Variants in SMIM27 observed in about 807,000 individuals in gnomAD.
SMIM27 encodes the protein transition zone microprotein 1, also known as TOPORS antisense RNA 1 (non-protein coding).
In SMIM27, 3 loss-of-function variants were observed where a neutral mutation model predicts 1.8. The ratio of observed to expected loss-of-function variants is 1.65; its 90% CI spans 0.75 to 4.28. The LOEUF (loss-of-function observed/expected upper bound fraction) is 4.28. Among genes scored for constraint, SMIM27 ranks in the 30% most tolerant of loss-of-function variants. The probability of loss-of-function intolerance (pLI) is 0.02; values close to 1 mark genes in which losing one functional copy is unlikely to be tolerated. For synonymous variants in SMIM27, 19 were observed against 13.9 expected (o/e 1.37, Z -0.82); for missense variants, 63 against 37.0 (o/e 1.70, Z -1.83).
chr9:32,554,783 C>G (rs1821409672), downstream of SMIM27, among the ~76,000 whole-genome samples: 1 of 152,190 alleles, frequency 6.6e-6, no homozygotes, highest in Non-Finnish European at 1.5e-5. Context: ...TAATAAAAAT[C>G]AAGCTATAGG....
chr9:32,566,040 AAGGTTTTTTCC>A (rs1234469947), intron 1 of SMIM27: 1 of 356,412 alleles, frequency 2.8e-6, no homozygotes, highest in Non-Finnish European at 5.1e-6. Flanking sequence ...AATATTTTTT[AAGGTTTTTTCC>A]AGGAGCTACT....
rs923317702 is a variant in SMIM27, at chr9:32,552,518, C to T, written c.45+39C>T. Reference sequence around the variant, plus strand: ...ATCGCGGGCCCCCACCGTGTCGACTCACTGGGCCCGCAGGCGGAAAGGCCC... The same window carrying T: ...ATCGCGGGCCCCCACCGTGTCGACTTACTGGGCCCGCAGGCGGAAAGGCCC... On this transcript the variant is annotated intron_variant, in intron 1 of 1. Coordinates refer to ENST00000692500, the MANE Select transcript of SMIM27 (RefSeq NM_001387564.1). 4.5e-6 allele frequency: 7 copies of T among 1,555,816 alleles called. No homozygotes were observed. The African/African-American group carries it at 5.4e-5, about 12-fold the overall frequency.
At chr9:32,556,527 C>T (rs1458863412), downstream of SMIM27, among the ~76,000 whole-genome samples, 2 of 152,314 alleles carry the variant, frequency 1.3e-5, no homozygotes, top group African/African-American at 4.8e-5. Context: ...TTGTCCTATT[C>T]TAAACATATA....
chr9:32,562,943 T>G (rs1821667280), intron 1 of SMIM27, among the ~76,000 whole-genome samples: 1 of 152,234 alleles, frequency 6.6e-6, no homozygotes, highest in South Asian at 2.1e-4. Context: ...GGCATATCTC[T>G]TTATTCTTCC....
At chr9:32,566,598 C>G in exon 2 of SMIM27, 1 of 785,624 alleles carries the variant, frequency 1.3e-6, no homozygotes, top group Middle Eastern at 2.9e-4. Flanking sequence ...GCGGAGGACC[C>G]GCAGGAATTC....
Position 32,552,842 on chromosome 9 carries a change from C to G in SMIM27, c.87C>G (p.Ile29Met), listed in dbSNP as rs1236938582. ...AIVLISWGCIIYASMVSARRQ... is the reference protein window; with the variant it reads ...AIVLISWGCIMYASMVSARRQ... ...TTTTAATCTCCTGGGGCTGCATCAT[C>G]TATGCTTCGATGGTGTCTGCAAGAC... The change falls in exon 2 of 2, where the codon ATC becomes ATG. Residue 29 changes from isoleucine (I) to methionine (M), a missense_variant. Ile to Met is a conservative substitution (Grantham distance 10, BLOSUM62 1). Transcript: ENST00000692500. 1.4e-6 allele frequency: 1 copy of G among 702,758 alleles called. No individual in the cohort carries two copies. Among genetic ancestry groups the G allele is most frequent in the Admixed American group, 2.0e-5 (1 of 50,000 alleles). 43.5% of individuals were successfully genotyped at this position (702,758 alleles called of 1,614,324 possible).
At chr9:32,561,382 C>T (rs939578850) in intron 1 of SMIM27, among the ~76,000 whole-genome samples, 8 of 151,592 alleles carry the variant, frequency 5.3e-5, no homozygotes, top group Admixed American at 3.9e-4. Context: ...CTGGAGAGTG[C>T]GGTGGCCCAA....
In SMIM27 at chr9:32,552,458, G is replaced by C; in HGVS notation, c.24G>C (p.Thr8=). The change falls in exon 1 of 2, where the codon ACG becomes ACC. Residue 8 remains threonine (T), a synonymous_variant. Coordinates refer to ENST00000692500, the MANE Select transcript of SMIM27 (RefSeq NM_001387564.1). MKPVSRR[T]LDWIYSVLLL... ...CCATGAAGCCAGTAAGTCGTCGCAC[G>C]CTGGACTGGATTTATTCAGTGGTAA... 1.2e-6 allele frequency: 2 copies of C among 1,602,798 alleles called. No individual in the cohort carries two copies. Among genetic ancestry groups the C allele is most frequent in the Non-Finnish European group, 1.7e-6 (2 of 1,175,098 alleles).
chr9:32,564,452 G>A (rs552886646), intron 1 of SMIM27, among the ~76,000 whole-genome samples: 1 of 150,814 alleles, frequency 6.6e-6, no homozygotes, highest in South Asian at 2.1e-4. Context: ...TCTTTTTTCT[G>A]AAAAATCTTT....
upstream of SMIM27, chr9:32,552,285 A>G: frequency 8.7e-7 from 1 of 1,145,722 alleles, no homozygotes; most frequent in East Asian, 2.6e-5. Flanking sequence ...CGGGCGGAAG[A>G]GGCCAGCGAC....
chr9:32,566,043 G>T (rs1821776833), intron 1 of SMIM27: 1 of 359,934 alleles, frequency 2.8e-6, no homozygotes, highest in Admixed American at 4.1e-5. Flanking sequence ...ATTTTTTAAG[G>T]TTTTTTCCAG....
chr9:32,562,183 T>C (rs995320351), intron 1 of SMIM27, among the ~76,000 whole-genome samples: 2 of 152,182 alleles, frequency 1.3e-5, no homozygotes, highest in African/African-American at 4.8e-5. Flanking sequence ...TTAACTTTTT[T>C]CCTCCGTACT....
chr9:32,553,967 A>G, downstream of SMIM27: 1 of 1,488,368 alleles, frequency 6.7e-7, no homozygotes, highest in Non-Finnish European at 9.3e-7. Flanking sequence ...AGATACAGTT[A>G]GTACAAAAAT....
upstream of SMIM27, chr9:32,551,161 C>A (rs549299723): frequency 3.4e-3 from 2,273 of 675,518 alleles, 3 homozygotes; most frequent in Non-Finnish European, 4.5e-3. Flanking sequence ...CTCCAGACCC[C>A]GGAGGAGGGC....
chr9:32,556,187 G>A (rs530883896), downstream of SMIM27, among the ~76,000 whole-genome samples: 11 of 152,366 alleles, frequency 7.2e-5, no homozygotes, highest in South Asian at 2.3e-3. Flanking sequence ...GAGCTGTTTG[G>A]TGACTAGAAA....
rs976681079 is a variant in SMIM27 at position 32,552,995 on chromosome 9, A to G, written c.*72A>G. 3.3e-6 allele frequency: 2 copies of G among 605,304 alleles called. No homozygotes were observed. The highest frequency in any genetic ancestry group is 3.2e-4 in the Middle Eastern group (1 of 3,166). 37.5% of individuals were successfully genotyped at this position (605,304 alleles called of 1,614,324 possible). ...TTATGTAGATATAAAAATAAAATTCATAATGCAAAGTTCCCAAGTTTATTT... is the reference window on the plus strand; with the variant it reads ...TTATGTAGATATAAAAATAAAATTCGTAATGCAAAGTTCCCAAGTTTATTT... On this transcript the variant is annotated 3_prime_UTR_variant, in exon 2 of 2. Coordinates refer to ENST00000692500, the MANE Select transcript of SMIM27 (RefSeq NM_001387564.1).
chr9:32,558,035 A>G (rs951920244), intron 1 of SMIM27, among the ~76,000 whole-genome samples: 3 of 152,226 alleles, frequency 2.0e-5, no homozygotes, highest in African/African-American at 7.2e-5. Flanking sequence ...GCTAGTAAAT[A>G]CCAACTGACT....
intron 1 of SMIM27, among the ~76,000 whole-genome samples, chr9:32,560,218 G>A (rs1364528291): frequency 6.6e-6 from 1 of 152,252 alleles, no homozygotes; most frequent in East Asian, 1.9e-4. Context: ...AGTAAGGTAA[G>A]TGAGTGGCTC....
exon 2 of SMIM27, chr9:32,566,493 C>A (rs1458006373): frequency 1.3e-6 from 1 of 786,292 alleles, no homozygotes; most frequent in African/African-American, 1.7e-5. Context: ...GGCAGGAGAA[C>A]TAGCCTTCCG....
Sources: allele counts gnomAD v4.1 joint callset (sites outside exome capture counted in the v4.1 genomes callset), GRCh38; gene constraint gnomAD v4.1.1; transcripts MANE v1.5; gene names NCBI Gene and HGNC (gene_info 2026-07-23, HGNC 2026-07-21).